The following SERPIND1 variants were observed in gnomAD, a reference collection of about 807,000 sequenced individuals.
The protein encoded by SERPIND1 is serpin family D member 1, also known as heparin cofactor 2.
SERPIND1 carries 34 observed loss-of-function variants against 35.0 expected under a neutral mutation model. That is an observed-to-expected ratio of 0.97 (90% confidence interval 0.74 to 1.29). The LOEUF (loss-of-function observed/expected upper bound fraction) is 1.29. SERPIND1 is among the 50% of genes most tolerant of loss of function. SERPIND1 has a pLI of 0.00. For synonymous variants in SERPIND1, 236 were observed against 241.1 expected, an observed-to-expected ratio of 0.98 and a Z score of 0.19; for missense variants, 633 against 637.7, an observed-to-expected ratio of 0.99 and a Z score of 0.08.
chr22:20,777,201 G>GCTAATTAT (rs920542380), intron 1 of SERPIND1, among the ~76,000 whole-genome samples: 5 of 151,478 alleles, frequency 3.3e-5, no homozygotes, highest in African/African-American at 1.2e-4. Flanking sequence ...ATCACACCAG[G>GCTAATTAT]CTAATTATTT....
At chr22:20,783,936 C>T (rs752340961) in intron 2 of SERPIND1, 36 bp from the exon 3 acceptor site, 5 of 1,613,960 alleles carry the variant, frequency 3.1e-6, no homozygotes, top group Non-Finnish European at 4.2e-6. Context: ...CCTAAAGGAA[C>T]CTTCTCATAA....
chr22:20,774,379 T>C (rs1427972156), intron 1 of SERPIND1, among the ~76,000 whole-genome samples: 1 of 152,320 alleles, frequency 6.6e-6, no homozygotes, highest in South Asian at 2.1e-4. Flanking sequence ...ATATTGTACT[T>C]ATATTAAATT....
At position 20,784,040 on chromosome 22, in the gene SERPIND1, G is replaced by A. The variant is rs1237386248; in HGVS notation, c.958G>A (p.Val320Ile). The change falls in exon 3 of 5, where the codon GTA becomes ATA. Residue 320 changes from valine (V) to isoleucine (I), a missense_variant. Transcript: ENST00000215727. Reference sequence around the variant, plus strand: ...CAACTTCCGGCTGAATGAGAGAGAGGTAGTTAAGGTTTCCATGATGCAGAC... The same window carrying A: ...CAACTTCCGGCTGAATGAGAGAGAGATAGTTAAGGTTTCCATGATGCAGAC... ...NHNFRLNERE[V>I]VKVSMMQTKG... The A allele has an allele frequency of 6.2e-7, 1 of 1,614,178 alleles. No individual in the cohort carries two copies. The highest frequency in any genetic ancestry group is 1.7e-5 in the Admixed American group (1 of 60,022).
chr22:20,785,278 C>CA (rs989315973), intron 3 of SERPIND1, among the ~76,000 whole-genome samples: 5 of 152,170 alleles, frequency 3.3e-5, no homozygotes, highest in African/African-American at 1.2e-4. Flanking sequence ...CTGTGTTGCC[C>CA]AGGCTGGTCT....
intron 2 of SERPIND1, among the ~76,000 whole-genome samples, chr22:20,780,775 C>CAAAAAAAAAAAAAAA (rs538327544): frequency 0.13 from 8,424 of 65,712 alleles, 940 homozygotes; most frequent in Non-Finnish European, 0.15. Flanking sequence ...GACTCCATCT[C>CAAAAAAAAAAAAAAA]AAAAAAAAAA....
At position 20,785,984 on chromosome 22, in the gene SERPIND1, C is replaced by T. The variant is rs747964539; in HGVS notation, c.1164-20C>T. The T allele has an allele frequency of 1.9e-6, 3 of 1,614,152 alleles. No individual in the cohort carries two copies. The highest frequency in any genetic ancestry group is 1.1e-5 in the South Asian group (1 of 91,078). On this transcript the variant is annotated intron_variant, in intron 3 of 4. Transcript: ENST00000215727. ...CTTGTGGTTCAATAAAACTGGGCCC[C>T]CCTTTCCTTTTCTGTCTAGAACTCG...
At chr22:20,776,576 A>C (rs1933301177) in intron 1 of SERPIND1, among the ~76,000 whole-genome samples, 1 of 152,206 alleles carries the variant, frequency 6.6e-6, no homozygotes, top group Admixed American at 6.5e-5. Flanking sequence ...TGGGACTGGC[A>C]CTGGGAAAAC....
At chr22:20,780,357 G>T (rs178036) in intron 2 of SERPIND1, among the ~76,000 whole-genome samples, 156 bp downstream of exon 2, 48,120 of 152,106 alleles carry the variant, frequency 0.32, 7,835 homozygotes, top group East Asian at 0.43. Context: ...AGGCCAAGCT[G>T]AAGTGACAGT....
intron 2 of SERPIND1, among the ~76,000 whole-genome samples, chr22:20,781,217 A>G (rs997002385): frequency 6.6e-6 from 1 of 152,218 alleles, no homozygotes; most frequent in South Asian, 2.1e-4. Flanking sequence ...ATGGATTTGT[A>G]AAATCCAAAC....
chr22:20,780,222 T>C, intron 2 of SERPIND1, 21 bp downstream of exon 2: 2 of 1,614,170 alleles, frequency 1.2e-6, no homozygotes, highest in Non-Finnish European at 8.5e-7. Context: ...CCTTTACAGT[T>C]CTCACAGCAA....
intron 2 of SERPIND1, among the ~76,000 whole-genome samples, chr22:20,782,583 A>G (rs1347365781): frequency 6.6e-6 from 1 of 152,248 alleles, no homozygotes; most frequent in African/African-American, 2.4e-5. Context: ...TGAGGAAGTC[A>G]GAAGGAAAGA....
chr22:20,786,985 C>T lies in SERPIND1; in HGVS notation c.1419C>T (p.Arg473=). 2 of 1,614,194 alleles carry T rather than the reference C, an allele frequency of 1.2e-6. No homozygotes were observed. Among genetic ancestry groups the T allele is most frequent in the Non-Finnish European group, 1.7e-6 (2 of 1,180,044 alleles). Residue 473 remains arginine (R), a synonymous_variant, in exon 5 of 5, where the codon CGC becomes CGT. Transcript: ENST00000215727. ...CCCAAGTCCGCTTCACTGTCGACCG[C>T]CCCTTTCTTTTCCTCATCTACGAGC... ...LSTQVRFTVD[R]PFLFLIYEHR... is the part of the protein sequence containing the mutation.
At chr22:20,783,828 A>T in intron 2 of SERPIND1, 144 bp from the exon 3 acceptor site, 1 of 1,076,166 alleles carries the variant, frequency 9.3e-7, no homozygotes, top group Non-Finnish European at 1.4e-6. Context: ...TGCCCAAATC[A>T]GGCCTCAGGA....
intron 2 of SERPIND1, among the ~76,000 whole-genome samples, chr22:20,783,389 G>C (rs1933946185): frequency 6.6e-6 from 1 of 150,716 alleles, no homozygotes; most frequent in African/African-American, 2.4e-5. Flanking sequence ...TTGAGGCCAA[G>C]GGTTTGAGAC....
chr22:20,779,613 G>A lies in SERPIND1; in HGVS notation c.301G>A (p.Val101Ile), dbSNP rs1241169976. Residue 101 changes from valine to isoleucine, a missense_variant, in exon 2 of 5, where the codon GTT becomes ATT. By Grantham distance (29) the Val-to-Ile change is conservative. Transcript: ENST00000215727. Reference sequence around the variant, plus strand: ...CATCGACATCGTCGACAGTCTGTCAGTTTCCCCGACAGACTCTGATGTGAG... The same window carrying A: ...CATCGACATCGTCGACAGTCTGTCAATTTCCCCGACAGACTCTGATGTGAG... ...DYIDIVDSLS[V>I]SPTDSDVSAG... 3 of 1,614,238 alleles carry A rather than the reference G, an allele frequency of 1.9e-6. No homozygotes were observed. The highest frequency in any genetic ancestry group is 3.3e-5 in the Admixed American group (2 of 60,034).
intron 4 of SERPIND1, 130 bp from the exon 5 acceptor site, chr22:20,786,739 GTGACTC>G (rs1466429486): frequency 2.1e-4 from 189 of 904,032 alleles, no homozygotes; most frequent in Admixed American, 6.9e-4. Flanking sequence ...ATTTTCAAGA[GTGACTC>G]TGACCAGCTG....
chr22:20,780,684 G>A lies in SERPIND1; in HGVS notation c.889+483G>A, dbSNP rs562546492. Among the ~76,000 whole-genome samples, 15 of 149,992 alleles carry A rather than the reference G, an allele frequency of 1.0e-4. No homozygotes were observed. In the South Asian group the frequency reaches 3.2e-3, roughly 32 times the overall value. On this transcript the variant is annotated intron_variant, in intron 2 of 4. Transcript: ENST00000215727. ...CCAGCTACTTGGGAGGCTGAGGCAGGAGAATCACTTGAACCTGGAAGGCAG... is the reference window on the plus strand; with the variant it reads ...CCAGCTACTTGGGAGGCTGAGGCAGAAGAATCACTTGAACCTGGAAGGCAG...
At position 20,783,740 on chromosome 22, in the gene SERPIND1, C is replaced by T. The variant is rs117144318; in HGVS notation, c.890-232C>T. 3.3e-5 allele frequency among the ~76,000 whole-genome samples: 5 copies of T among 152,298 alleles called. No individual in the cohort carries two copies. In the East Asian group the frequency reaches 9.6e-4, roughly 29 times the overall value. Reference sequence around the variant, plus strand: ...CCTTACCATGGTCAAACAACTAGTTCGTATCAGACCCTACTCCAGAAACTA... The same window carrying T: ...CCTTACCATGGTCAAACAACTAGTTTGTATCAGACCCTACTCCAGAAACTA... On this transcript the variant is annotated intron_variant, in intron 2 of 4. Transcript: ENST00000215727.
Position 20,784,386 on chromosome 22 carries a change from T to C in SERPIND1, c.1163+141T>C. The C allele has an allele frequency of 4.3e-6, 5 of 1,161,450 alleles. No individual in the cohort carries two copies. The South Asian group carries it at 6.8e-5, about 16-fold the overall frequency. 71.9% of individuals were successfully genotyped at this position (1,161,450 alleles called of 1,614,324 possible). A position where few individuals can be genotyped will look rare whatever the true frequency, so the allele number is the denominator to read the frequency against. On this transcript the variant is annotated intron_variant, in intron 3 of 4. Transcript: ENST00000215727. ...CTTCCATACAGGGCCACTCTGTTAATTCAGCCCCAATTTGTTGCTTGAGAT... is the reference window on the plus strand; with the variant it reads ...CTTCCATACAGGGCCACTCTGTTAACTCAGCCCCAATTTGTTGCTTGAGAT...
Sources: allele counts gnomAD v4.1 joint callset (sites outside exome capture counted in the v4.1 genomes callset), GRCh38; gene constraint gnomAD v4.1.1; transcripts MANE v1.5; gene names NCBI Gene and HGNC (gene_info 2026-07-23, HGNC 2026-07-21).